Variants in ABI1 observed in about 807,000 individuals in gnomAD.
ABI1 encodes abl interactor 1, also known as Abelson interactor 1.
A neutral mutation model predicts 54.6 loss-of-function variants in ABI1; 14 were observed. The observed-to-expected ratio is 0.26, with a 90% CI of 0.17 to 0.40. The LOEUF is 0.40. Among genes scored for constraint, ABI1 ranks in the 10% least tolerant of loss-of-function variants. The probability of loss-of-function intolerance (pLI) is 1.00; values close to 1 mark genes in which losing one functional copy is unlikely to be tolerated. For synonymous variants in ABI1, 194 were observed against 209.3 expected (o/e 0.93, Z 0.63); for missense variants, 443 against 598.3 (o/e 0.74, Z 2.71).
At chr10:26,773,215 C>CTTTTTTTTTTTTTTTTTTTTTTTT (rs58739177) in intron 3 of ABI1, among the ~76,000 whole-genome samples, 1,972 of 92,172 alleles carry the variant, frequency 0.021, 367 homozygotes, top group East Asian at 0.036. Flanking sequence ...AATGCTAATT[C>CTTTTTTTTTTTTTTTTTTTTTTTT]TTTTTTTTTT....
intron 2 of ABI1, among the ~76,000 whole-genome samples, chr10:26,800,472 T>C (rs561391984): frequency 2.6e-5 from 4 of 152,228 alleles, no homozygotes; most frequent in African/African-American, 9.6e-5. Context: ...CAACTGGCTA[T>C]AAATTTTCCA....
At chr10:26,846,062 A>C (rs779885958) in intron 1 of ABI1, among the ~76,000 whole-genome samples, 1 of 151,854 alleles carries the variant, frequency 6.6e-6, no homozygotes, top group African/African-American at 2.4e-5. Context: ...GACTTGCTTG[A>C]ACCTGGGAGG....
At chr10:26,823,338 T>G in intron 1 of ABI1, 33 bp from the exon 2 acceptor site, 1 of 1,440,914 alleles carries the variant, frequency 6.9e-7, no homozygotes. Flanking sequence ...AAATACTTAT[T>G]TAGATTAACA....
chr10:26,793,896 G>A (rs780903397), intron 2 of ABI1, among the ~76,000 whole-genome samples: 7 of 152,150 alleles, frequency 4.6e-5, no homozygotes, highest in African/African-American at 7.2e-5. Flanking sequence ...AAATTCTCCA[G>A]CCTGGGCAAC....
At chr10:26,749,758 C>A (rs779361596) in intron 10 of ABI1, among the ~76,000 whole-genome samples, 2 of 152,176 alleles carry the variant, frequency 1.3e-5, no homozygotes, top group African/African-American at 4.8e-5. Flanking sequence ...ATCCAAACCA[C>A]GCAATTTTTG....
In ABI1 at chr10:26,860,709, G is replaced by C. The variant is rs1564601077; in HGVS notation, c.117+38C>G. 1 of 1,568,300 alleles carries C rather than the reference G, an allele frequency of 6.4e-7. No homozygotes were observed. On this transcript the variant is annotated intron_variant, in intron 1 of 10. Transcript: ENST00000376140. The surrounding 1 kb of genome is among the most constrained non-coding windows in gnomAD (Gnocchi z 4.1). Reference sequence around the variant, plus strand: ...GGGCTGGTCACTCCGGCGGGTCCTCGACCCGGCCAGCGCCCGCCGGCCGCC... The same window carrying C: ...GGGCTGGTCACTCCGGCGGGTCCTCCACCCGGCCAGCGCCCGCCGGCCGCC...
chr10:26,860,379 CG>C lies in ABI1; in HGVS notation c.117+367del, dbSNP rs1322239849. Among the ~76,000 whole-genome samples, 2 of 152,102 alleles carry C rather than the reference CG, an allele frequency of 1.3e-5. No homozygotes were observed. Among genetic ancestry groups the C allele is most frequent in the Non-Finnish European group, 2.9e-5 (2 of 68,024 alleles). ...GCGCGGCGGCAGCTCGGGGGTATTC[CG>C]GGACTCCAGCCCTGCGGACTGGAGG... On this transcript the variant is annotated intron_variant, in intron 1 of 10. Coordinates refer to ENST00000376140, the MANE Select transcript of ABI1 (RefSeq NM_001012750.3). The surrounding 1 kb of genome is among the most constrained non-coding windows in gnomAD (Gnocchi z 4.1).
At chr10:26,768,777 C>T in intron 6 of ABI1, 75 bp downstream of exon 6, 1 of 1,303,484 alleles carries the variant, frequency 7.7e-7, no homozygotes, top group Non-Finnish European at 1.0e-6. Context: ...CTTTACTCAG[C>T]ACCTCCATAG....
intron 8 of ABI1, 116 bp downstream of exon 8, chr10:26,758,946 A>G: frequency 1.6e-5 from 17 of 1,085,930 alleles, no homozygotes; most frequent in Non-Finnish European, 2.2e-5. Context: ...ACAAAAATAA[A>G]CATGAAACAT....
intron 1 of ABI1, among the ~76,000 whole-genome samples, chr10:26,832,535 G>GATC (rs2048753731): frequency 6.6e-6 from 1 of 151,990 alleles, no homozygotes; most frequent in Non-Finnish European, 1.5e-5. Flanking sequence ...AGTGAACCGA[G>GATC]ATCACGTCAC....
rs1358168841 is a variant in ABI1 at position 26,761,647 on chromosome 10, TATATATATATATATAC to T, written c.821-2425_821-2410del. ...ATATATATATATATATATATATATA[TATATATATATATATAC>T]ACACACACATACACATATATAACCT... On this transcript the variant is annotated intron_variant, in intron 7 of 10. Coordinates refer to ENST00000376140, the MANE Select transcript of ABI1 (RefSeq NM_001012750.3). Among the ~76,000 whole-genome samples, 4 of 120,408 alleles carry T rather than the reference TATATATATATATATAC, an allele frequency of 3.3e-5. No homozygotes were observed. The East Asian group carries it at 9.5e-4, about 29-fold the overall frequency. 79.0% of individuals were successfully genotyped at this position (120,408 alleles called of 152,430 possible).
intron 1 of ABI1, among the ~76,000 whole-genome samples, chr10:26,852,392 T>C (rs571857650): frequency 7.9e-5 from 12 of 152,192 alleles, no homozygotes; most frequent in Middle Eastern, 3.4e-3. Flanking sequence ...GGCAGGAGAA[T>C]TGATTGAACC....
At chr10:26,855,032 C>T (rs1327995911) in intron 1 of ABI1, among the ~76,000 whole-genome samples, 4 of 152,082 alleles carry the variant, frequency 2.6e-5, no homozygotes, top group African/African-American at 4.8e-5. Flanking sequence ...AAAATAAATG[C>T]TCATTAGACT....
chr10:26,759,051 C>T lies in ABI1; in HGVS notation c.997+11G>A. 6.2e-7 allele frequency: 1 copy of T among 1,611,480 alleles called. No homozygotes were observed. The highest frequency in any genetic ancestry group is 1.7e-5 in the Admixed American group (1 of 59,522). On this transcript the variant is annotated intron_variant, in intron 8 of 10. Coordinates refer to ENST00000376140, the MANE Select transcript of ABI1 (RefSeq NM_001012750.3). ...CCACTGTTGCTGTATGCCTGCAAAG[C>T]ACAAGCTTACTTGAATTTTGAGAAT...
chr10:26,793,032 C>T (rs1843673274), intron 2 of ABI1, among the ~76,000 whole-genome samples: 2 of 152,292 alleles, frequency 1.3e-5, no homozygotes, highest in Non-Finnish European at 1.5e-5. Flanking sequence ...TCTCAGAAGG[C>T]CTACTATCAT....
intron 6 of ABI1, among the ~76,000 whole-genome samples, chr10:26,767,394 A>G (rs1464982037): frequency 6.6e-6 from 1 of 152,224 alleles, no homozygotes; most frequent in African/African-American, 2.4e-5. Context: ...TCATTTACCA[A>G]CCTAAGAGTG....
intron 10 of ABI1, among the ~76,000 whole-genome samples, chr10:26,751,084 A>C (rs1266920322): frequency 1.0e-5 from 1 of 98,594 alleles, no homozygotes. Context: ...TACATTTTCA[A>C]CTTGTATTTT....
chr10:26,776,757 T>C (rs897390446), intron 3 of ABI1: 9 of 221,240 alleles, frequency 4.1e-5, no homozygotes, highest in African/African-American at 1.1e-4. Context: ...TTGAAAAGCA[T>C]GTAGACTTTT....
At chr10:26,812,410 A>T (rs1275628185) in intron 2 of ABI1, among the ~76,000 whole-genome samples, 1 of 152,240 alleles carries the variant, frequency 6.6e-6, no homozygotes, top group African/African-American at 2.4e-5. Flanking sequence ...CCACTGGGCA[A>T]GGACTGTACA....
Sources: gnomAD v4.1 joint callset for allele counts (sites outside exome capture counted in the v4.1 genomes callset) on GRCh38, gnomAD v4.1.1 for gene constraint, Gnocchi (gnomAD v3.1) non-coding constraint, MANE v1.5 for transcripts, NCBI Gene and HGNC (gene_info 2026-07-23, HGNC 2026-07-21) for gene names.